Variants in EDIL3 observed in about 807,000 individuals in gnomAD.
EDIL3 encodes the protein EGF-like repeat and discoidin I-like domain-containing protein 3.
A neutral mutation model predicts 67.4 loss-of-function variants in EDIL3; 37 were observed. The observed-to-expected ratio is 0.55, with a 90% CI of 0.42 to 0.72. The LOEUF (loss-of-function observed/expected upper bound fraction) is 0.72, where lower values mean the gene tolerates loss of function less well. Ranked by LOEUF, EDIL3 falls within the 30% of genes least tolerant of loss-of-function variation. The pLI is 0.00. For missense variants in EDIL3, 527 were observed against 586.3 expected (o/e 0.90, Z 1.04); for synonymous variants, 195 against 196.3 (o/e 0.99, Z 0.05).
At chr5:84,150,493 C>G (rs1239282361) in intron 4 of EDIL3, among the ~76,000 whole-genome samples, 1 of 151,950 alleles carries the variant, frequency 6.6e-6, no homozygotes, top group Admixed American at 6.6e-5. Flanking sequence ...ACTGACAGTT[C>G]CTAAAAGAAT....
chr5:84,117,020 ATTTT>A (rs34997139), intron 5 of EDIL3, among the ~76,000 whole-genome samples: 3 of 83,236 alleles, frequency 3.6e-5, no homozygotes, highest in African/African-American at 4.7e-5. Flanking sequence ...TTAAGTACTT[ATTTT>A]TTTTTTTTTT....
chr5:84,088,163 A>G (rs547260702), intron 6 of EDIL3, among the ~76,000 whole-genome samples: 9 of 152,344 alleles, frequency 5.9e-5, no homozygotes, highest in African/African-American at 1.7e-4. Flanking sequence ...GAAAACTTAT[A>G]TATTGTCCAA....
intron 9 of EDIL3, among the ~76,000 whole-genome samples, chr5:83,987,893 A>ATATG (rs1745083907): frequency 1.4e-5 from 2 of 144,326 alleles, no homozygotes; most frequent in East Asian, 4.1e-4. Context: ...ATATATATAT[A>ATATG]GCTTAATAGT....
At chr5:84,376,027 T>C (rs1477939633) in intron 1 of EDIL3, among the ~76,000 whole-genome samples, 1 of 152,214 alleles carries the variant, frequency 6.6e-6, no homozygotes, top group Admixed American at 6.5e-5. Flanking sequence ...CTCCATGATA[T>C]ACAAGATGTG....
At chr5:83,993,516 A>G (rs1475642186) in intron 9 of EDIL3, among the ~76,000 whole-genome samples, 2 of 152,242 alleles carry the variant, frequency 1.3e-5, no homozygotes, top group Non-Finnish European at 2.9e-5. Context: ...CCATTAAAAT[A>G]AGAAGCCCTT....
chr5:84,132,609 T>A lies in EDIL3; in HGVS notation c.469+4632A>T, dbSNP rs1395401058. On this transcript the variant is annotated intron_variant, in intron 5 of 10. Coordinates refer to ENST00000296591, the MANE Select transcript of EDIL3 (RefSeq NM_005711.5). ...TTATATATTTTTAATATATATTATA[T>A]AAATATACACACAGTATATATTGTC... Among the ~76,000 whole-genome samples the A allele has an allele frequency of 5.8e-5, 7 of 120,002 alleles. No individual in the cohort carries two copies. In the Admixed American group the frequency reaches 7.8e-4, roughly 13 times the overall value. The allele number at this position is 120,002 out of a possible 152,430, so 78.7% of individuals were successfully genotyped here.
At chr5:84,068,198 A>G (rs1746677117) in intron 6 of EDIL3, among the ~76,000 whole-genome samples, 1 of 152,198 alleles carries the variant, frequency 6.6e-6, no homozygotes, top group African/African-American at 2.4e-5. Context: ...ATCGCTATGA[A>G]AGAGTCATAT....
At chr5:84,127,225 GT>G (rs1349659138) in intron 5 of EDIL3, among the ~76,000 whole-genome samples, 2 of 151,946 alleles carry the variant, frequency 1.3e-5, no homozygotes, top group African/African-American at 2.4e-5. Context: ...CCCTGCTCCT[GT>G]TTTCCTTGAA....
intron 6 of EDIL3, among the ~76,000 whole-genome samples, chr5:84,074,773 T>C (rs1361833079): frequency 6.6e-6 from 1 of 152,092 alleles, no homozygotes; most frequent in Non-Finnish European, 1.5e-5. Flanking sequence ...AGTTCAACCA[T>C]TGTGGAAGTC....
intron 5 of EDIL3, among the ~76,000 whole-genome samples, chr5:84,121,156 C>T (rs1166522806): frequency 6.6e-6 from 1 of 151,938 alleles, no homozygotes; most frequent in East Asian, 1.9e-4. Flanking sequence ...TTGAGCATTC[C>T]TTACGAATCT....
At chr5:84,283,612 C>G (rs1486051699) in intron 1 of EDIL3, among the ~76,000 whole-genome samples, 1 of 152,150 alleles carries the variant, frequency 6.6e-6, no homozygotes, top group Non-Finnish European at 1.5e-5. Flanking sequence ...ACATTTCTAA[C>G]CATATTGAAC....
At chr5:84,255,304 A>G (rs1012933612) in intron 1 of EDIL3, among the ~76,000 whole-genome samples, 81 of 152,326 alleles carry the variant, frequency 5.3e-4, no homozygotes, top group African/African-American at 1.9e-3. Context: ...AAACATTTCA[A>G]ATAATTCAGG....
intron 1 of EDIL3, among the ~76,000 whole-genome samples, chr5:84,381,863 T>C (rs989816056): frequency 6.6e-6 from 1 of 152,322 alleles, no homozygotes; most frequent in East Asian, 1.9e-4. Flanking sequence ...AGACGACTAA[T>C]AAAAGGAGTT....
At chr5:84,294,869 A>T (rs977028302) in intron 1 of EDIL3, among the ~76,000 whole-genome samples, 1 of 152,238 alleles carries the variant, frequency 6.6e-6, no homozygotes. Context: ...AACTTGCCCA[A>T]GTTACACTGC....
chr5:83,998,258 A>G (rs1745268245), intron 9 of EDIL3, among the ~76,000 whole-genome samples: 1 of 152,286 alleles, frequency 6.6e-6, no homozygotes, highest in Admixed American at 6.5e-5. Context: ...TGGACATAGT[A>G]AAATAAATCA....
intron 6 of EDIL3, among the ~76,000 whole-genome samples, chr5:84,086,291 G>C (rs1251397897): frequency 6.6e-6 from 1 of 152,240 alleles, no homozygotes; most frequent in Admixed American, 6.5e-5. Flanking sequence ...GGCTCTGGTG[G>C]TGTAGGCTCA....
chr5:84,193,325 A>G (rs1426115813), intron 3 of EDIL3, among the ~76,000 whole-genome samples: 1 of 151,964 alleles, frequency 6.6e-6, no homozygotes, highest in Non-Finnish European at 1.5e-5. Flanking sequence ...CAGATTGGAC[A>G]GAGAAGGGTC....
At chr5:84,179,858 C>G (rs1041065267) in intron 4 of EDIL3, among the ~76,000 whole-genome samples, 3 of 152,108 alleles carry the variant, frequency 2.0e-5, no homozygotes, top group African/African-American at 7.2e-5. Context: ...GATCTACTTT[C>G]TTTAACCTTC....
chr5:84,155,253 G>A (rs1190020346), intron 4 of EDIL3, among the ~76,000 whole-genome samples: 3 of 152,140 alleles, frequency 2.0e-5, no homozygotes, highest in African/African-American at 7.2e-5. Context: ...AGAAGTCTAA[G>A]TTCAAATTCA....
Sources: gnomAD v4.1 joint callset for allele counts (sites outside exome capture counted in the v4.1 genomes callset) on GRCh38, gnomAD v4.1.1 for gene constraint, MANE v1.5 for transcripts, NCBI Gene and HGNC (gene_info 2026-07-23, HGNC 2026-07-21) for gene names.